MYSM1: variants seen among roughly 807,000 people sequenced by gnomAD.
MYSM1 encodes the protein deubiquitinase MYSM1.
Under a neutral mutation model 116.0 loss-of-function variants are expected in MYSM1, and 51 were observed. The ratio of observed to expected loss-of-function variants is 0.44; its 90% CI spans 0.35 to 0.56. MYSM1 has a LOEUF of 0.56. Among genes scored for constraint, MYSM1 ranks in the 20% least tolerant of loss-of-function variants. The pLI, the probability that MYSM1 is intolerant of heterozygous loss-of-function variation, is 0.00. For missense variants in MYSM1, 900 were observed against 974.9 expected (o/e 0.92, Z 1.02); for synonymous variants, 313 against 315.2 (o/e 0.99, Z 0.07).
At chr1:58,667,383 A>C (rs1445922463) in intron 15 of MYSM1, among the ~76,000 whole-genome samples, 157 bp from the exon 16 acceptor site, 1 of 152,250 alleles carries the variant, frequency 6.6e-6, no homozygotes, top group East Asian at 1.9e-4. Context: ...CTTAAACTCC[A>C]AAAGTCTGAT....
In MYSM1 at chr1:58,682,404, T is replaced by C; in HGVS notation, c.640A>G (p.Ile214Val). ...RADPNLNAVK[I>V]EKLSDDEEVD... ...TCTTCATCATCAGATAACTTTTCAA[T>C]TTTTACAGCATTCAAGTTGGGATCA... Residue 214 changes from isoleucine to valine, a missense_variant, in exon 8 of 20, where the codon ATT (isoleucine) becomes GTT (valine). This residue lies in a region of MYSM1 where 622 missense variants were observed against 623.7 expected (regional missense o/e 1.00). Coordinates refer to ENST00000472487, the MANE Select transcript of MYSM1 (RefSeq NM_001085487.3). The C allele has an allele frequency of 1.9e-6, 3 of 1,614,184 alleles. No homozygotes were observed. The highest frequency in any genetic ancestry group is 2.5e-6 in the Non-Finnish European group (3 of 1,180,030).
rs2100577590 is a variant in MYSM1 at position 58,658,144 on chromosome 1, A to G, written c.*1853T>C. 6.6e-6 allele frequency: 1 copy of G among 152,268 alleles called. No homozygotes were observed. Among genetic ancestry groups the G allele is most frequent in the East Asian group, 1.9e-4 (1 of 5,178 alleles). 9.4% of individuals were successfully genotyped at this position (152,268 alleles called of 1,614,324 possible). ...GGCCCTTGATTTACTGGTGAGGAGC[A>G]TGGGGTCCAGGTTATGTGTTTTGAT... On this transcript the variant is annotated 3_prime_UTR_variant, in exon 20 of 20. Transcript: ENST00000472487.
At chr1:58,693,428 G>A (rs1437793980) in intron 2 of MYSM1, among the ~76,000 whole-genome samples, 1 of 151,932 alleles carries the variant, frequency 6.6e-6, no homozygotes, top group Non-Finnish European at 1.5e-5. Context: ...TTTCTACTTG[G>A]ATATCTAATT....
rs1645039847 is a variant in MYSM1 at position 58,700,018 on chromosome 1, C to G, written c.35G>C (p.Gly12Ala). Reference sequence around the variant, plus strand: ...TGCCCCCGCCGCCGCTACCACGTCCCCTTCGATATCCACATCCGCCTCTTC... The same window carrying G: ...TGCCCCCGCCGCCGCTACCACGTCCGCTTCGATATCCACATCCGCCTCTTC... ...AAEEADVDIE[G>A]DVVAAAGAQP... is the part of the protein sequence containing the mutation. Residue 12 changes from glycine to alanine, a missense_variant, in exon 1 of 20, where the codon GGG becomes GCG. Gly to Ala is a moderately conservative substitution (Grantham distance 60). Coordinates refer to ENST00000472487, the MANE Select transcript of MYSM1 (RefSeq NM_001085487.3). 6 of 1,613,784 alleles carry G rather than the reference C, an allele frequency of 3.7e-6. No individual in the cohort carries two copies. The highest frequency in any genetic ancestry group is 5.1e-6 in the Non-Finnish European group (6 of 1,180,022).
At chr1:58,675,326 C>G (rs542446369) in intron 10 of MYSM1, 151 bp downstream of exon 10, 2 of 578,032 alleles carry the variant, frequency 3.5e-6, no homozygotes, top group African/African-American at 3.7e-5. Flanking sequence ...GAATGAAACC[C>G]AGAAAAGCGA....
At chr1:58,660,221 T>C (rs1569688296) in intron 19 of MYSM1, 66 bp from the exon 20 acceptor site, 1 of 1,061,054 alleles carries the variant, frequency 9.4e-7, no homozygotes, top group Non-Finnish European at 1.3e-6. Context: ...TTACTATCAC[T>C]ATTTCGTCCC....
intron 7 of MYSM1, among the ~76,000 whole-genome samples, chr1:58,683,533 A>G (rs1644780002): frequency 6.6e-6 from 1 of 152,232 alleles, no homozygotes; most frequent in Non-Finnish European, 1.5e-5. Context: ...GCTACTACAG[A>G]CATAAATATC....
Position 58,682,087 on chromosome 1 carries a change from C to A in MYSM1, c.957G>T (p.Leu319Phe), listed in dbSNP as rs1289186979. 6.2e-7 allele frequency: 1 copy of A among 1,613,906 alleles called. No homozygotes were observed. The highest frequency in any genetic ancestry group is 1.1e-5 in the South Asian group (1 of 91,060). Residue 319 changes from leucine to phenylalanine, a missense_variant, in exon 8 of 20, where the codon TTG (leucine) becomes TTT (phenylalanine). Coordinates refer to ENST00000472487, the MANE Select transcript of MYSM1 (RefSeq NM_001085487.3). ...CATCATGCTTGTTGCAGTTTTTAAT[C>A]AATTCATTAAATTTCTGGTCATTTA... ...IELNDQKFNE[L>F]IKNCNKHDGR... is the part of the protein sequence containing the mutation.
chr1:58,685,581 A>C (rs1024639098), intron 6 of MYSM1, among the ~76,000 whole-genome samples: 3 of 152,196 alleles, frequency 2.0e-5, no homozygotes, highest in South Asian at 2.1e-4. Context: ...TAAAATAAAT[A>C]AGTGCCTGAA....
At chr1:58,698,102 A>ATTTTTTTTTTTTTTTT (rs1553140002) in intron 1 of MYSM1, among the ~76,000 whole-genome samples, 9 of 7,770 alleles carry the variant, frequency 1.2e-3, no homozygotes, top group African/African-American at 1.8e-3. Context: ...ATATATATAT[A>ATTTTTTTTTTTTTTTT]TTTTTTTTTT....
intron 17 of MYSM1, among the ~76,000 whole-genome samples, chr1:58,662,157 G>A (rs1644402064): frequency 6.6e-6 from 1 of 151,978 alleles, no homozygotes; most frequent in Non-Finnish European, 1.5e-5. Flanking sequence ...ACTCTGGGGA[G>A]GCAGCAACTG....
Position 58,692,908 on chromosome 1 carries a change from G to T in MYSM1, c.171C>A (p.Ile57=). Residue 57 remains isoleucine (I), a synonymous_variant, in exon 3 of 20, where the codon ATC becomes ATA. Transcript: ENST00000472487. Reference sequence around the variant, plus strand: ...CAATAACAGCTCTGTTCTCTTCACTGATGGTGTTATCCAAGGTCCAAGGCT... The same window carrying T: ...CAATAACAGCTCTGTTCTCTTCACTTATGGTGTTATCCAAGGTCCAAGGCT... ...GLIPWTLDNT[I]SEENRAVIEK... The T allele has an allele frequency of 6.2e-7, 1 of 1,609,016 alleles. No homozygotes were observed. The highest frequency in any genetic ancestry group is 1.1e-5 in the South Asian group (1 of 90,162).
chr1:58,689,451 T>C (rs1644873094), intron 5 of MYSM1: 1 of 182,612 alleles, frequency 5.5e-6, no homozygotes, highest in Non-Finnish European at 1.1e-5. Flanking sequence ...TGTTAATACA[T>C]TCCCAAATCC....
intron 12 of MYSM1, 40 bp downstream of exon 12, chr1:58,671,830 G>T: frequency 7.0e-7 from 1 of 1,429,724 alleles, no homozygotes; most frequent in Non-Finnish European, 9.7e-7. Flanking sequence ...CTAGCCATTT[G>T]TGATAAATGT....
intron 2 of MYSM1, 25 bp downstream of exon 2, chr1:58,695,104 C>T (rs547003927): frequency 6.9e-7 from 1 of 1,449,024 alleles, no homozygotes; most frequent in Admixed American, 1.7e-5. Flanking sequence ...GCTTAATGCA[C>T]CTGATATTTT....
In MYSM1 at chr1:58,692,844, T is replaced by A; in HGVS notation, c.218+17A>T. ...CACCCTGAAACCTGTACTTTCCTCATAATCATTAAAGGATACTCTTCTTCC... is the reference window on the plus strand; with the variant it reads ...CACCCTGAAACCTGTACTTTCCTCAAAATCATTAAAGGATACTCTTCTTCC... On this transcript the variant is annotated intron_variant, in intron 3 of 19. Transcript: ENST00000472487. 1 of 1,586,448 alleles carries A rather than the reference T, an allele frequency of 6.3e-7. No individual in the cohort carries two copies. The highest frequency in any genetic ancestry group is 8.6e-7 in the Non-Finnish European group (1 of 1,167,768).
At chr1:58,686,271 A>G (rs899041747) in intron 6 of MYSM1, among the ~76,000 whole-genome samples, 5 of 152,198 alleles carry the variant, frequency 3.3e-5, no homozygotes, top group African/African-American at 1.2e-4. Flanking sequence ...CACAGAAAGG[A>G]ACACATAATT....
Position 58,656,775 on chromosome 1 carries a change from T to C in MYSM1, c.*3222A>G, listed in dbSNP as rs1182507310. 6.6e-6 allele frequency: 1 copy of C among 152,150 alleles called. No individual in the cohort carries two copies. Among genetic ancestry groups the C allele is most frequent in the East Asian group, 1.9e-4 (1 of 5,196 alleles). 9.4% of individuals were successfully genotyped at this position (152,150 alleles called of 1,614,324 possible). A position where few individuals can be genotyped will look rare whatever the true frequency, so the allele number is the denominator to read the frequency against. ...TCAGAATACAGGCAATGCCAACTTA[T>C]CCATTAGGCACAGTACCTAAGGCCC... On this transcript the variant is annotated 3_prime_UTR_variant, in exon 20 of 20. Transcript: ENST00000472487.
chr1:58,676,027 A>G (rs1644645226), intron 9 of MYSM1, among the ~76,000 whole-genome samples: 1 of 152,236 alleles, frequency 6.6e-6, no homozygotes, highest in Admixed American at 6.5e-5. Context: ...TCCCTTTCAT[A>G]GACAAACACA....
Sources: gnomAD v4.1 joint callset for allele counts (sites outside exome capture counted in the v4.1 genomes callset) on GRCh38, gnomAD v4.1.1 for gene constraint, gnomAD v4.1.1 regional missense constraint, MANE v1.5 for transcripts, NCBI Gene and HGNC (gene_info 2026-07-23, HGNC 2026-07-21) for gene names.